BPIFC: variants seen among roughly 807,000 people sequenced by gnomAD.
The protein encoded by BPIFC is BPI fold containing family C.
A neutral mutation model predicts 57.6 loss-of-function variants in BPIFC; 60 were observed. The observed-to-expected ratio is 1.04, with a 90% CI of 0.85 to 1.29. The LOEUF (loss-of-function observed/expected upper bound fraction) is 1.29. BPIFC is among the 50% of genes most tolerant of loss of function. The probability of loss-of-function intolerance (pLI) is 0.00; values close to 1 mark genes in which losing one functional copy is unlikely to be tolerated. For missense variants in BPIFC, 581 were observed against 600.5 expected (o/e 0.97, Z 0.34); for synonymous variants, 243 against 224.5 (o/e 1.08, Z -0.74).
intron 13 of BPIFC, among the ~76,000 whole-genome samples, chr22:32,428,453 A>G (rs1239537985): frequency 6.6e-6 from 1 of 151,918 alleles, no homozygotes; most frequent in African/African-American, 2.4e-5. Context: ...CTTTTAAAGT[A>G]TTGTGGCTCT....
At chr22:32,423,577 G>GGTGTGTGT (rs369571670) in intron 13 of BPIFC, among the ~76,000 whole-genome samples, 8,808 of 143,186 alleles carry the variant, frequency 0.062, 297 homozygotes, top group African/African-American at 0.071. Flanking sequence ...GTAGGGTGTG[G>GGTGTGTGT]GTGTGTGTGT....
chr22:32,450,139 C>T (rs1447216081), intron 4 of BPIFC, among the ~76,000 whole-genome samples: 21 of 110,132 alleles, frequency 1.9e-4, no homozygotes, highest in Non-Finnish European at 3.2e-4. Flanking sequence ...CACACACACA[C>T]ACATATATAC....
chr22:32,430,703 C>T (rs965692946), intron 13 of BPIFC, among the ~76,000 whole-genome samples: 18 of 151,398 alleles, frequency 1.2e-4, no homozygotes, highest in Non-Finnish European at 1.6e-4. Context: ...TGCAGTGGCA[C>T]GATCATAGCT....
Position 32,424,616 on chromosome 22 carries a change from C to T in BPIFC, c.1218-5212G>A, listed in dbSNP as rs1384248633. Reference sequence around the variant, plus strand: ...TCTTCTTCTTCTCCTCCTCCTCCTCCTCCTCCTCCTCCTCTTCTTCTTCTT... The same window carrying T: ...TCTTCTTCTTCTCCTCCTCCTCCTCTTCCTCCTCCTCCTCTTCTTCTTCTT... On this transcript the variant is annotated intron_variant, in intron 13 of 16. Coordinates refer to ENST00000300399, the MANE Select transcript of BPIFC (RefSeq NM_174932.3). 1.8e-3 allele frequency among the ~76,000 whole-genome samples: 103 copies of T among 56,972 alleles called. 21 individuals carry two copies. The highest frequency in any genetic ancestry group is 0.015 in the Middle Eastern group (2 of 130). 37.4% of individuals were successfully genotyped at this position (56,972 alleles called of 152,430 possible). A position where few individuals can be genotyped will look rare whatever the true frequency, so the allele number is the denominator to read the frequency against.
chr22:32,450,909 G>C (rs1934880075), intron 4 of BPIFC, among the ~76,000 whole-genome samples: 1 of 152,154 alleles, frequency 6.6e-6, no homozygotes, highest in Non-Finnish European at 1.5e-5. Context: ...GATTTGATAA[G>C]ATTTTCAGTT....
In BPIFC at chr22:32,435,833, T is replaced by A; in HGVS notation, c.795A>T (p.Pro265=). Residue 265 remains proline, a synonymous_variant, in exon 10 of 17, where the codon CCA becomes CCT. Transcript: ENST00000300399. ...TGCGTTCTGGGAGCACAAAAGGAAC[T>A]GGTGAGAAGGGGGGGTCGGTGAGGT... The part of the protein sequence containing the change: ...LENLTDPPFS[P]VPFVLPERSN... 1 of 1,614,046 alleles carries A rather than the reference T, an allele frequency of 6.2e-7. No individual in the cohort carries two copies. The highest frequency in any genetic ancestry group is 8.5e-7 in the Non-Finnish European group (1 of 1,179,994).
Position 32,432,390 on chromosome 22 carries a change from T to C in BPIFC, c.1132A>G (p.Ile378Val). 1 of 1,614,002 alleles carries C rather than the reference T, an allele frequency of 6.2e-7. No individual in the cohort carries two copies. Among genetic ancestry groups the C allele is most frequent in the Non-Finnish European group, 8.5e-7 (1 of 1,180,020 alleles). Residue 378 changes from isoleucine to valine, a missense_variant, in exon 12 of 17, where the codon ATC becomes GTC. Transcript: ENST00000300399. ...TQPKNSTVET[I>V]VSMDFVASTS... ...AGACTTACGAAGTCCATGGAAACGA[T>C]GGTTTCAACTGTGGAGTTCTTGGGT...
intron 10 of BPIFC, 101 bp from the exon 11 acceptor site, chr22:32,433,873 T>C: frequency 3.0e-6 from 3 of 991,434 alleles, no homozygotes; most frequent in Non-Finnish European, 3.2e-6. Context: ...TGTGAAGCTG[T>C]TACACCATAA....
At chr22:32,424,308 G>C (rs954225341) in intron 13 of BPIFC, among the ~76,000 whole-genome samples, 1 of 152,148 alleles carries the variant, frequency 6.6e-6, no homozygotes, top group Admixed American at 6.5e-5. Context: ...TGCTCAAAGA[G>C]TTCAAGTGTA....
intron 13 of BPIFC, among the ~76,000 whole-genome samples, chr22:32,425,387 AG>A (rs1934037391): frequency 6.6e-6 from 1 of 152,188 alleles, no homozygotes; most frequent in African/African-American, 2.4e-5. Context: ...CACAGGACCT[AG>A]TAGATGACAA....
intron 1 of BPIFC, among the ~76,000 whole-genome samples, chr22:32,461,936 G>A (rs1434560367): frequency 1.3e-5 from 2 of 151,952 alleles, no homozygotes; most frequent in Non-Finnish European, 2.9e-5. Flanking sequence ...CACCTTGGAA[G>A]GCCAAGGTGG....
intron 2 of BPIFC, among the ~76,000 whole-genome samples, chr22:32,461,188 C>T (rs983717574): frequency 1.3e-5 from 2 of 152,098 alleles, no homozygotes; most frequent in African/African-American, 4.8e-5. Flanking sequence ...GGCTCCTTAC[C>T]CTTAGCTATT....
intron 4 of BPIFC, 35 bp downstream of exon 4, chr22:32,453,348 C>T (rs755316591): frequency 2.0e-6 from 3 of 1,478,934 alleles, no homozygotes; most frequent in Admixed American, 4.5e-5. Flanking sequence ...CTTTGAGCTT[C>T]TTATAAGAGG....
At chr22:32,424,675 T>TCCTCCTCCTCCTCCTCCTCCTCCTCC (rs1569448041) in intron 13 of BPIFC, among the ~76,000 whole-genome samples, 1 of 84,998 alleles carries the variant, frequency 1.2e-5, no homozygotes, top group Non-Finnish European at 2.1e-5. Flanking sequence ...CTTCTTCTTC[T>TCCTCCTCCTCCTCCTCCTCCTCCTCC]TCTTCTTCTT....
chr22:32,416,857 G>C (rs1383544858), intron 15 of BPIFC, among the ~76,000 whole-genome samples: 1 of 152,214 alleles, frequency 6.6e-6, no homozygotes, highest in Non-Finnish European at 1.5e-5. Context: ...ATCTTGCTGA[G>C]TTTGCAAATA....
chr22:32,433,699 C>A lies in BPIFC; in HGVS notation c.978+20G>T, dbSNP rs1934309663. ...AATGGAGCCAAATACACTATCAAGA[C>A]TCAAACCCTGAGCACTTACCCGGGA... On this transcript the variant is annotated intron_variant, in intron 11 of 16. Coordinates refer to ENST00000300399, the MANE Select transcript of BPIFC (RefSeq NM_174932.3). The A allele has an allele frequency of 1.2e-6, 2 of 1,611,872 alleles. No homozygotes were observed. Among genetic ancestry groups the A allele is most frequent in the Non-Finnish European group, 1.7e-6 (2 of 1,177,986 alleles).
At position 32,435,518 on chromosome 22, in the gene BPIFC, G is replaced by A. The variant is rs571228007; in HGVS notation, c.924+186C>T. ...AACACTTCTGGTCCCAAGCATTTTG[G>A]ATAAGGGATGCTCAACCCGTAACAA... On this transcript the variant is annotated intron_variant, in intron 10 of 16. Transcript: ENST00000300399. Among the ~76,000 whole-genome samples the A allele has an allele frequency of 9.3e-4, 141 of 152,232 alleles. 2 individuals are homozygous for A. The highest frequency in any genetic ancestry group is 3.0e-3 in the African/African-American group (124 of 41,520).
chr22:32,453,270 C>T, intron 4 of BPIFC, 113 bp downstream of exon 4: 1 of 807,966 alleles, frequency 1.2e-6, no homozygotes, highest in South Asian at 2.2e-5. Flanking sequence ...GACAGCAGAA[C>T]AGAAAAAGAT....
At chr22:32,459,434 C>A (rs532104851) in intron 2 of BPIFC, among the ~76,000 whole-genome samples, 1 of 151,968 alleles carries the variant, frequency 6.6e-6, no homozygotes, top group Non-Finnish European at 1.5e-5. Context: ...GAGGCCGAGG[C>A]GGGTGGATCA....
Sources: gnomAD v4.1 joint callset for allele counts (sites outside exome capture counted in the v4.1 genomes callset) on GRCh38, gnomAD v4.1.1 for gene constraint, MANE v1.5 for transcripts, NCBI Gene and HGNC (gene_info 2026-07-23, HGNC 2026-07-21) for gene names.